The following CACNA1C variants were observed in gnomAD, a reference collection of about 807,000 sequenced individuals.
CACNA1C encodes the protein calcium voltage-gated channel subunit alpha1 C, also known as voltage-dependent L-type calcium channel subunit alpha-1C.
A neutral mutation model predicts 229.0 loss-of-function variants in CACNA1C; 30 were observed. The ratio of observed to expected loss-of-function variants is 0.13; its 90% confidence interval spans 0.10 to 0.18. The LOEUF is 0.18. Ranked by LOEUF, CACNA1C falls within the 10% of genes least tolerant of loss-of-function variation. The pLI, the probability that CACNA1C is intolerant of heterozygous loss-of-function variation, is 1.00. For synonymous variants in CACNA1C, 1,114 were observed against 1,132.5 expected, an observed-to-expected ratio of 0.98 and a Z score of 0.33; for missense variants, 1,658 against 2,845.0, an observed-to-expected ratio of 0.58 and a Z score of 9.49.
At chr12:2,457,790 A>C (rs2099446846) in intron 5 of CACNA1C, 84 bp downstream of exon 5, 2 of 1,218,138 alleles carry the variant, frequency 1.6e-6, no homozygotes, top group Admixed American at 5.4e-5. Flanking sequence ...AACACTCTGC[A>C]AAGGGACCTG....
At chr12:2,549,433 G>C (rs1221789171) in intron 9 of CACNA1C, among the ~76,000 whole-genome samples, 1 of 152,202 alleles carries the variant, frequency 6.6e-6, no homozygotes, top group African/African-American at 2.4e-5. Flanking sequence ...GAAAGGGAAG[G>C]CCTCTGTCCA....
At chr12:2,114,544 A>G (rs546725944) in intron 1 of CACNA1C, among the ~76,000 whole-genome samples, 2 of 152,350 alleles carry the variant, frequency 1.3e-5, no homozygotes, top group South Asian at 2.1e-4. Context: ...ATTTAAAACC[A>G]TCACAGCTCC....
chr12:2,667,285 C>CCATGGCCATTCCAT (rs1569148808), intron 37 of CACNA1C, among the ~76,000 whole-genome samples: 1 of 127,432 alleles, frequency 7.8e-6, no homozygotes, highest in Non-Finnish European at 1.6e-5. Context: ...GGCCACTCCA[C>CCATGGCCATTCCAT]GCTCCTTTTC....
At chr12:2,409,277 C>G (rs986613906) in intron 3 of CACNA1C, among the ~76,000 whole-genome samples, 14 of 152,216 alleles carry the variant, frequency 9.2e-5, no homozygotes, top group African/African-American at 3.1e-4. Context: ...TGCCACTAAT[C>G]AGCTGATCGT....
At chr12:2,500,042 C>T (rs543981923) in intron 7 of CACNA1C, among the ~76,000 whole-genome samples, 1 of 152,146 alleles carries the variant, frequency 6.6e-6, no homozygotes, top group African/African-American at 2.4e-5. Flanking sequence ...AGAGAATCAC[C>T]TTCTGTGGCA....
intron 34 of CACNA1C, chr12:2,660,601 G>A (rs1042134469): frequency 6.6e-6 from 1 of 152,124 alleles, no homozygotes; most frequent in African/African-American, 2.4e-5. Flanking sequence ...CGAGGCAGGT[G>A]GATCATGAGG....
chr12:2,009,871 A>G (rs1197680402), intron 1 of CACNA1C, among the ~76,000 whole-genome samples: 1 of 152,200 alleles, frequency 6.6e-6, no homozygotes, highest in Non-Finnish European at 1.5e-5. Flanking sequence ...GACCTCACCT[A>G]TACCCTGGGG....
chr12:2,062,218 A>G (rs2057756603), intron 1 of CACNA1C, among the ~76,000 whole-genome samples: 1 of 152,234 alleles, frequency 6.6e-6, no homozygotes, highest in South Asian at 2.1e-4. Context: ...AGCAAGAGTA[A>G]TAGCCACCAT....
At chr12:2,350,106 A>G (rs1282150637) in intron 3 of CACNA1C, among the ~76,000 whole-genome samples, 1 of 152,166 alleles carries the variant, frequency 6.6e-6, no homozygotes, top group Non-Finnish European at 1.5e-5. Flanking sequence ...ATCTTCTAGT[A>G]ACCTCCTTTT....
At chr12:2,022,637 G>A (rs986821982) in intron 1 of CACNA1C, among the ~76,000 whole-genome samples, 3 of 151,302 alleles carry the variant, frequency 2.0e-5, no homozygotes, top group Non-Finnish European at 4.4e-5. Flanking sequence ...AGAGAAGGGG[G>A]TCTCTCTATG....
chr12:2,124,553 C>T (rs185874750), intron 3 of CACNA1C, among the ~76,000 whole-genome samples: 5 of 152,278 alleles, frequency 3.3e-5, no homozygotes, highest in Non-Finnish European at 7.3e-5. Flanking sequence ...AAGGCTTTAA[C>T]GGCAGAGGAG....
intron 4 of CACNA1C, among the ~76,000 whole-genome samples, chr12:2,457,201 G>A (rs1335651698): frequency 6.6e-6 from 1 of 152,220 alleles, no homozygotes; most frequent in Non-Finnish European, 1.5e-5. Context: ...CCTGGGAGGG[G>A]CGCTAGGATA....
rs531621932 is a variant in CACNA1C at position 2,113,889 on chromosome 12, G to A, written c.50-1335G>A. ...ACAGTCTCAGAGGCTTCGTTGCCTA[G>A]ACACCAGAGCAGGGCAGCTGTCCCT... On this transcript the variant is annotated intron_variant, in intron 1 of 46. Coordinates refer to ENST00000399655, the MANE Select transcript of CACNA1C (RefSeq NM_000719.7). Among the ~76,000 whole-genome samples the A allele has an allele frequency of 9.1e-4, 139 of 152,328 alleles. 3 individuals carry two copies. The South Asian group carries it at 0.029, about 31-fold the overall frequency.
chr12:2,294,733 A>G (rs1388580314), intron 3 of CACNA1C, among the ~76,000 whole-genome samples: 1 of 152,104 alleles, frequency 6.6e-6, no homozygotes, highest in Non-Finnish European at 1.5e-5. Context: ...TCGCCTCAAT[A>G]TTGAGCATCT....
chr12:2,194,466 T>C (rs1215299750), intron 3 of CACNA1C, among the ~76,000 whole-genome samples: 1 of 151,314 alleles, frequency 6.6e-6, no homozygotes, highest in Non-Finnish European at 1.5e-5. Flanking sequence ...GTTGACCTTG[T>C]GCTGCTGGTG....
At chr12:2,015,628 G>A (rs1179749000) in intron 1 of CACNA1C, among the ~76,000 whole-genome samples, 1 of 152,198 alleles carries the variant, frequency 6.6e-6, no homozygotes, top group Non-Finnish European at 1.5e-5. Flanking sequence ...TTGCTGGAAG[G>A]CATTTAAAAA....
intron 3 of CACNA1C, among the ~76,000 whole-genome samples, chr12:2,151,641 G>A (rs575619265): frequency 6.6e-6 from 1 of 152,250 alleles, no homozygotes; most frequent in African/African-American, 2.4e-5. Flanking sequence ...TGGGCAGAGA[G>A]CCAGGTTTGC....
intron 3 of CACNA1C, among the ~76,000 whole-genome samples, chr12:2,381,892 A>G (rs2098257936): frequency 6.6e-6 from 1 of 152,250 alleles, no homozygotes; most frequent in Admixed American, 6.5e-5. Flanking sequence ...GAAGATAGAA[A>G]CAACTCTGAG....
In CACNA1C at chr12:2,644,165, C is replaced by T. The variant is rs544268401; in HGVS notation, c.3913-4310C>T. Among the ~76,000 whole-genome samples the T allele has an allele frequency of 1.1e-4, 16 of 152,296 alleles. 1 individual carries two copies. In the South Asian group the frequency reaches 3.3e-3, roughly 32 times the overall value. ...ACTTTTGACATCTGTTTCAGAGGTGCGTGGAATCTTAGTGACACTGAGGTC... is the reference window on the plus strand; with the variant it reads ...ACTTTTGACATCTGTTTCAGAGGTGTGTGGAATCTTAGTGACACTGAGGTC... On this transcript the variant is annotated intron_variant, in intron 30 of 46. Transcript: ENST00000399655.
Sources: gnomAD v4.1 joint callset for allele counts (sites outside exome capture counted in the v4.1 genomes callset) on GRCh38, gnomAD v4.1.1 for gene constraint, MANE v1.5 for transcripts, NCBI Gene and HGNC (gene_info 2026-07-23, HGNC 2026-07-21) for gene names.